APPBP2: variants seen among roughly 807,000 people sequenced by gnomAD.
The protein encoded by APPBP2 is amyloid beta precursor protein binding protein 2.
APPBP2 carries 15 observed loss-of-function variants against 76.0 expected under a neutral mutation model. The observed-to-expected ratio is 0.20, with a 90% CI of 0.13 to 0.30. The LOEUF is 0.30. APPBP2 is among the 10% of genes least tolerant of loss of function. The probability of loss-of-function intolerance (pLI) is 1.00; values close to 1 mark genes in which losing one functional copy is unlikely to be tolerated. For missense variants in APPBP2, 401 were observed against 687.2 expected (o/e 0.58, Z 4.66); for synonymous variants, 222 against 242.2 (o/e 0.92, Z 0.77).
At position 60,447,293 on chromosome 17, in the gene APPBP2, A is replaced by G. The variant is rs1218964466; in HGVS notation, c.*288T>C. On this transcript the variant is annotated 3_prime_UTR_variant, in exon 13 of 13. Transcript: ENST00000083182. ...TTTTTTTTCTTTCAGGCTTTCTGCAAAATGAATTTTTTAAAAACAACAAAA... is the reference window on the plus strand; with the variant it reads ...TTTTTTTTCTTTCAGGCTTTCTGCAGAATGAATTTTTTAAAAACAACAAAA... 3 of 278,268 alleles carry G rather than the reference A, an allele frequency of 1.1e-5. No individual in the cohort carries two copies. Among genetic ancestry groups the G allele is most frequent in the Non-Finnish European group, 2.0e-5 (3 of 150,000 alleles). 17.2% of individuals were successfully genotyped at this position (278,268 alleles called of 1,614,324 possible). A position where few individuals can be genotyped will look rare whatever the true frequency, so the allele number is the denominator to read the frequency against.
At position 60,525,853 on chromosome 17, in the gene APPBP2, G is replaced by A. The variant is rs768592143; in HGVS notation, c.79C>T (p.Arg27Cys). Residue 27 changes from arginine to cysteine, a missense_variant, in exon 1 of 13, where the codon CGC (arginine) becomes TGC (cysteine). Arg to Cys is a radical substitution (Grantham distance 180). Transcript: ENST00000083182. ...AAGGAGCGGATGTCTCGGCGGGAGC[G>A]GATGTAGTTGTCCACGACAGCGGAG... ...AISAVVDNYI[R>C]SRRDIRSLPE... 1 of 1,613,690 alleles carries A rather than the reference G, an allele frequency of 6.2e-7. No individual in the cohort carries two copies. The highest frequency in any genetic ancestry group is 1.1e-5 in the South Asian group (1 of 91,032).
chr17:60,524,767 G>A (rs2091038362), intron 1 of APPBP2, among the ~76,000 whole-genome samples: 1 of 152,156 alleles, frequency 6.6e-6, no homozygotes, highest in African/African-American at 2.4e-5. Context: ...AGATCAAGAG[G>A]AAGTATTTAA....
At chr17:60,452,552 G>A (rs1348835301) in intron 11 of APPBP2, among the ~76,000 whole-genome samples, 1 of 152,084 alleles carries the variant, frequency 6.6e-6, no homozygotes, top group Non-Finnish European at 1.5e-5. Context: ...AGCTAATTGA[G>A]GGATATACAG....
At chr17:60,521,686 G>A (rs1235178744) in intron 1 of APPBP2, among the ~76,000 whole-genome samples, 4 of 152,054 alleles carry the variant, frequency 2.6e-5, no homozygotes, top group Non-Finnish European at 5.9e-5. Flanking sequence ...CTAAGAGCTG[G>A]GATTACAGGC....
intron 12 of APPBP2, among the ~76,000 whole-genome samples, chr17:60,448,675 T>C (rs931821957): frequency 6.6e-5 from 10 of 152,208 alleles, no homozygotes; most frequent in Non-Finnish European, 1.2e-4. Context: ...ACTGATGGTA[T>C]ATTGTTAAGA....
At chr17:60,449,253 T>C (rs2090372833) in intron 12 of APPBP2, among the ~76,000 whole-genome samples, 1 of 152,120 alleles carries the variant, frequency 6.6e-6, no homozygotes, top group Non-Finnish European at 1.5e-5. Flanking sequence ...CCCACATGTA[T>C]ATGGATAAAT....
At chr17:60,481,623 G>C (rs953063412) in intron 3 of APPBP2, among the ~76,000 whole-genome samples, 1 of 152,134 alleles carries the variant, frequency 6.6e-6, no homozygotes, top group South Asian at 2.1e-4. Flanking sequence ...GTCAAAACTT[G>C]TAATATTGAC....
In APPBP2 at chr17:60,446,787, A is replaced by C. The variant is rs1033136606; in HGVS notation, c.*794T>G. 2.6e-5 allele frequency: 4 copies of C among 152,212 alleles called. No homozygotes were observed. Among genetic ancestry groups the C allele is most frequent in the Admixed American group, 2.0e-4 (3 of 15,276 alleles). The allele number at this position is 152,212 out of a possible 1,614,324, so 9.4% of individuals were successfully genotyped here. ...CTAAATGAAATCATTCTACTGATAAAAGTATATGTAGGATCTAAAATAATA... is the reference window on the plus strand; with the variant it reads ...CTAAATGAAATCATTCTACTGATAACAGTATATGTAGGATCTAAAATAATA... On this transcript the variant is annotated 3_prime_UTR_variant, in exon 13 of 13. Transcript: ENST00000083182.
rs888426315 is a variant in APPBP2, at chr17:60,468,537, C to A, written c.504-2078G>T. The stretch of plus-strand genomic sequence containing the variant: ...TGTGGAAATTATTTAGTAATTGGCA[C>A]ATGATGAAGTAGCAAAATAAACACT... On this transcript the variant is annotated intron_variant, in intron 4 of 12. Transcript: ENST00000083182. The A allele has an allele frequency of 1.3e-5, 2 of 152,202 alleles. 1 individual carries two copies. The highest frequency in any genetic ancestry group is 4.1e-4 in the South Asian group (2 of 4,824). The allele number at this position is 152,202 out of a possible 1,614,324, so 9.4% of individuals were successfully genotyped here.
At chr17:60,517,226 T>A (rs1419622596) in intron 1 of APPBP2, among the ~76,000 whole-genome samples, 9 of 152,192 alleles carry the variant, frequency 5.9e-5, no homozygotes, top group African/African-American at 2.2e-4. Context: ...ATCCCCTGCC[T>A]TGGCCTCTCA....
chr17:60,465,796 T>C (rs2090506732), intron 5 of APPBP2, among the ~76,000 whole-genome samples: 1 of 152,170 alleles, frequency 6.6e-6, no homozygotes, highest in Non-Finnish European at 1.5e-5. Flanking sequence ...AAATTACACA[T>C]GTATATATTT....
intron 4 of APPBP2, among the ~76,000 whole-genome samples, chr17:60,466,933 G>A (rs1486386227): frequency 1.3e-5 from 2 of 152,078 alleles, no homozygotes; most frequent in Non-Finnish European, 2.9e-5. Flanking sequence ...TAAATTTACC[G>A]AAAATAGCAG....
intron 1 of APPBP2, among the ~76,000 whole-genome samples, chr17:60,510,364 C>T (rs945079852): frequency 6.6e-6 from 1 of 152,034 alleles, no homozygotes; most frequent in African/African-American, 2.4e-5. Context: ...GATTATACCA[C>T]TGGACTCCAG....
chr17:60,494,093 A>G (rs1171751448), intron 3 of APPBP2, among the ~76,000 whole-genome samples: 1 of 152,214 alleles, frequency 6.6e-6, no homozygotes, highest in Non-Finnish European at 1.5e-5. Context: ...GCCTACAGTA[A>G]GCAGGTCAAA....
chr17:60,505,417 GCCAT>G (rs2090858619), intron 1 of APPBP2, among the ~76,000 whole-genome samples: 1 of 152,214 alleles, frequency 6.6e-6, no homozygotes, highest in South Asian at 2.1e-4. Context: ...CCGCGTTCAC[GCCAT>G]TCTCCTGCCT....
At chr17:60,508,747 C>A (rs1370071873) in intron 1 of APPBP2, among the ~76,000 whole-genome samples, 1 of 152,070 alleles carries the variant, frequency 6.6e-6, no homozygotes, top group Non-Finnish European at 1.5e-5. Flanking sequence ...TTGATACTAC[C>A]TAGATGATTT....
At chr17:60,483,678 C>A (rs1220493347) in intron 3 of APPBP2, among the ~76,000 whole-genome samples, 1 of 152,186 alleles carries the variant, frequency 6.6e-6, no homozygotes, top group Non-Finnish European at 1.5e-5. Context: ...CAGGCGTGAG[C>A]CACCGCACCT....
At chr17:60,494,059 G>C (rs115699404) in intron 3 of APPBP2, among the ~76,000 whole-genome samples, 1 of 152,206 alleles carries the variant, frequency 6.6e-6, no homozygotes, top group African/African-American at 2.4e-5. Flanking sequence ...CTGAGGCTCC[G>C]AAAGGATGAA....
Position 60,525,897 on chromosome 17 carries a change from G to A in APPBP2, c.35C>T (p.Thr12Ile), listed in dbSNP as rs1003539807. The A allele has an allele frequency of 1.2e-6, 2 of 1,614,050 alleles. No homozygotes were observed. Among genetic ancestry groups the A allele is most frequent in the South Asian group, 1.1e-5 (1 of 91,052 alleles). The change falls in exon 1 of 13, where the codon ACT (threonine) becomes ATT (isoleucine). Residue 12 changes from threonine to isoleucine, a missense_variant. Thr to Ile is a moderately conservative substitution (Grantham distance 89, BLOSUM62 -1). Transcript: ENST00000083182. ...AAVELEWIPE[T>I]LYNTAISAVV... ...AGCGGAGATGGCGGTGTTATAGAGA[G>A]TCTCTGGGATCCACTCTAGTTCCAC...
Sources: allele counts gnomAD v4.1 joint callset (sites outside exome capture counted in the v4.1 genomes callset), GRCh38; gene constraint gnomAD v4.1.1; transcripts MANE v1.5; gene names NCBI Gene and HGNC (gene_info 2026-07-23, HGNC 2026-07-21).